The following CPPED1 variants were observed in gnomAD, a reference collection of about 807,000 sequenced individuals.
CPPED1 encodes the protein calcineurin like phosphoesterase domain containing 1, also known as serine/threonine-protein phosphatase CPPED1.
Under a neutral mutation model 28.0 loss-of-function variants are expected in CPPED1, and 28 were observed. The ratio of observed to expected loss-of-function variants is 1.00; its 90% CI spans 0.74 to 1.37. CPPED1 has a LOEUF of 1.37. Ranked by LOEUF, CPPED1 falls within the 40% of genes most tolerant of loss-of-function variation. The pLI, the probability that CPPED1 is intolerant of heterozygous loss-of-function variation, is 0.00. For synonymous variants in CPPED1, 198 were observed against 180.2 expected, an observed-to-expected ratio of 1.10 and a Z score of -0.79; for missense variants, 504 against 416.5, an observed-to-expected ratio of 1.21 and a Z score of -1.83.
At chr16:12,672,967 T>G (rs1049585478) in intron 3 of CPPED1, among the ~76,000 whole-genome samples, 1 of 151,944 alleles carries the variant, frequency 6.6e-6, no homozygotes, top group South Asian at 2.1e-4. Context: ...TGAGCTGAGA[T>G]TGTGCCACTG....
At chr16:12,722,728 G>GA (rs1220714808) in intron 2 of CPPED1, among the ~76,000 whole-genome samples, 9 of 151,424 alleles carry the variant, frequency 5.9e-5, no homozygotes, top group East Asian at 3.9e-4. Flanking sequence ...CCTGTCTCAA[G>GA]AAAAAAAAAT....
intron 3 of CPPED1, among the ~76,000 whole-genome samples, chr16:12,696,964 T>C (rs1381799626): frequency 6.6e-6 from 1 of 152,150 alleles, no homozygotes; most frequent in African/African-American, 2.4e-5. Context: ...TGTACAAACC[T>C]CCAAGTTTTG....
intron 3 of CPPED1, among the ~76,000 whole-genome samples, chr16:12,702,549 C>A (rs2080026075): frequency 6.6e-6 from 1 of 150,850 alleles, no homozygotes; most frequent in African/African-American, 2.4e-5. Context: ...ATCAATCAAT[C>A]AATCAATAGA....
intron 2 of CPPED1, among the ~76,000 whole-genome samples, chr16:12,748,615 G>T (rs1409595998): frequency 6.6e-6 from 1 of 152,194 alleles, no homozygotes; most frequent in Non-Finnish European, 1.5e-5. Context: ...GCCGGGCGCG[G>T]TGGCTCATGC....
At chr16:12,773,626 C>T (rs989270867) in intron 2 of CPPED1, among the ~76,000 whole-genome samples, 9 of 152,158 alleles carry the variant, frequency 5.9e-5, no homozygotes, top group Admixed American at 3.9e-4. Flanking sequence ...GAGGCTGAGG[C>T]ATGAGAATTG....
At chr16:12,766,256 T>TATATATAGAGAGAGAGAGAG in intron 2 of CPPED1, among the ~76,000 whole-genome samples, 3 of 134,292 alleles carry the variant, frequency 2.2e-5, no homozygotes, top group African/African-American at 1.0e-4. Context: ...TATATATATA[T>TATATATAGAGAGAGAGAGAG]AGAGAGAGAG....
At chr16:12,750,571 A>T (rs1019328750) in intron 2 of CPPED1, among the ~76,000 whole-genome samples, 3 of 152,226 alleles carry the variant, frequency 2.0e-5, no homozygotes, top group Non-Finnish European at 4.4e-5. Flanking sequence ...TGATCACACC[A>T]TCAAAGATCA....
intron 2 of CPPED1, among the ~76,000 whole-genome samples, chr16:12,733,886 C>T (rs765145492): frequency 4.0e-5 from 6 of 151,592 alleles, no homozygotes; most frequent in South Asian, 2.1e-4. Context: ...GCATTTATAA[C>T]GTGAATAAAG....
chr16:12,684,190 C>G (rs1422364653), intron 3 of CPPED1, among the ~76,000 whole-genome samples: 1 of 152,136 alleles, frequency 6.6e-6, no homozygotes, highest in East Asian at 1.9e-4. Context: ...GAAAATGCAT[C>G]CCGGTAAACT....
chr16:12,746,075 G>A (rs147628729), intron 2 of CPPED1: 6 of 152,178 alleles, frequency 3.9e-5, no homozygotes, highest in Non-Finnish European at 5.9e-5. Flanking sequence ...AAATTGTCAC[G>A]CTACAATTCT....
rs192649616 is a variant in CPPED1 at position 12,704,765 on chromosome 16, C to T, written c.574G>A (p.Ala192Thr). 1.8e-4 allele frequency: 289 copies of T among 1,614,214 alleles called. 2 individuals carry two copies. In the East Asian group the frequency reaches 4.9e-3, roughly 27 times the overall value. Reference protein sequence around the residue: ...DQWLDEQLSIARQRHCQHAIV... With the variant: ...DQWLDEQLSITRQRHCQHAIV... ...GCATGCTGGCAGTGCCGCTGCCTCG[C>T]GATGCTCAGCTGCTCGTCCAGCCAC... Residue 192 changes from alanine to threonine, a missense_variant, in exon 3 of 4, where the codon GCG becomes ACG. Transcript: ENST00000381774.
intron 2 of CPPED1, among the ~76,000 whole-genome samples, chr16:12,710,597 A>G (rs558517813): frequency 6.6e-6 from 1 of 152,344 alleles, no homozygotes; most frequent in East Asian, 1.9e-4. Context: ...AATATCTGAT[A>G]GGGAATGAAT....
At chr16:12,750,901 G>A (rs2080323732) in intron 2 of CPPED1, among the ~76,000 whole-genome samples, 1 of 152,078 alleles carries the variant, frequency 6.6e-6, no homozygotes, top group African/African-American at 2.4e-5. Context: ...TTGAGAGGTG[G>A]AGGTTGCAGC....
At chr16:12,763,006 A>C (rs2080418385) in intron 2 of CPPED1, among the ~76,000 whole-genome samples, 1 of 152,082 alleles carries the variant, frequency 6.6e-6, no homozygotes, top group Non-Finnish European at 1.5e-5. Context: ...AGGTGGGTGG[A>C]TCACTTGAAG....
intron 3 of CPPED1, among the ~76,000 whole-genome samples, chr16:12,698,388 G>C (rs1283821647): frequency 2.0e-5 from 3 of 152,118 alleles, no homozygotes; most frequent in Non-Finnish European, 4.4e-5. Flanking sequence ...TTCCTATAAA[G>C]TAAATCCTGG....
chr16:12,752,787 A>G (rs1013000385), intron 2 of CPPED1, among the ~76,000 whole-genome samples: 2 of 148,080 alleles, frequency 1.4e-5, no homozygotes, highest in Non-Finnish European at 3.0e-5. Flanking sequence ...AGTAGAAATT[A>G]TCTATTAAAA....
chr16:12,705,684 G>A (rs2080046366), intron 2 of CPPED1, among the ~76,000 whole-genome samples: 1 of 152,186 alleles, frequency 6.6e-6, no homozygotes, highest in African/African-American at 2.4e-5. Context: ...CTTGAACTCG[G>A]GAGGCAGAGG....
At chr16:12,704,032 G>A (rs2080034660) in intron 3 of CPPED1, among the ~76,000 whole-genome samples, 1 of 152,140 alleles carries the variant, frequency 6.6e-6, no homozygotes, top group South Asian at 2.1e-4. Flanking sequence ...ATCTACCTTG[G>A]CAGAGGAAAA....
chr16:12,662,557 C>G lies in CPPED1; in HGVS notation c.*2329G>C, dbSNP rs1187416167. On this transcript the variant is annotated 3_prime_UTR_variant, in exon 4 of 4. Transcript: ENST00000381774. Reference sequence around the variant, plus strand: ...ACCCTCCTCCCACCCTTCTGAGTCTCCAATGTTTGTTCCACACTCTATGTT... The same window carrying G: ...ACCCTCCTCCCACCCTTCTGAGTCTGCAATGTTTGTTCCACACTCTATGTT... The G allele has an allele frequency of 6.6e-6, 1 of 152,176 alleles. No homozygotes were observed. The highest frequency in any genetic ancestry group is 1.5e-5 in the Non-Finnish European group (1 of 68,034). 9.4% of individuals were successfully genotyped at this position (152,176 alleles called of 1,614,324 possible).
Sources: gnomAD v4.1 joint callset for allele counts (sites outside exome capture counted in the v4.1 genomes callset) on GRCh38, gnomAD v4.1.1 for gene constraint, MANE v1.5 for transcripts, NCBI Gene and HGNC (gene_info 2026-07-23, HGNC 2026-07-21) for gene names.